The following FREM1 variants were observed in gnomAD, a reference collection of about 807,000 sequenced individuals.
The protein encoded by FREM1 is FRAS1 related extracellular matrix 1.
Under a neutral mutation model 210.1 loss-of-function variants are expected in FREM1, and 220 were observed. The ratio of observed to expected loss-of-function variants is 1.05; its 90% CI spans 0.94 to 1.17. The LOEUF is 1.17. FREM1 is among the 50% of genes most tolerant of loss of function. The pLI is 0.00. For synonymous variants in FREM1, 1,189 were observed against 980.2 expected (o/e 1.21, Z -3.98); for missense variants, 3,454 against 2,675.5 (o/e 1.29, Z -6.42).
At chr9:14,784,131 A>C (rs1419369501) in intron 24 of FREM1, 3 of 415,172 alleles carry the variant, frequency 7.2e-6, no homozygotes, top group African/African-American at 2.0e-5. Context: ...CTTACATACA[A>C]CAAGACAGTA....
At chr9:14,880,553 G>A (rs146664005) in intron 1 of FREM1, among the ~76,000 whole-genome samples, 6,047 of 147,976 alleles carry the variant, frequency 0.041, 380 homozygotes, top group African/African-American at 0.13. Flanking sequence ...GCAGTGGGCC[G>A]AGATCGTGCC....
rs1276399690 is a variant in FREM1 at position 14,807,497 on chromosome 9, A to T, written c.3088+443T>A. Among the ~76,000 whole-genome samples the T allele has an allele frequency of 7.2e-5, 11 of 152,154 alleles. No homozygotes were observed. The South Asian group carries it at 2.3e-3, about 32-fold the overall frequency. ...TGAAAAGATGACTTTCTAAAAAGCA[A>T]ATAAGGTTAAATGTATATAAATGGT... On this transcript the variant is annotated intron_variant, in intron 17 of 36. Coordinates refer to ENST00000380880, the MANE Select transcript of FREM1 (RefSeq NM_001379081.2).
chr9:14,757,208 G>A (rs979133631), intron 28 of FREM1, among the ~76,000 whole-genome samples: 89 of 152,332 alleles, frequency 5.8e-4, no homozygotes, highest in African/African-American at 2.0e-3. Context: ...CGATTTTAGC[G>A]CTCTGAAGTC....
At chr9:14,802,896 G>T (rs72711373) in intron 19 of FREM1, among the ~76,000 whole-genome samples, 27,826 of 152,112 alleles carry the variant, frequency 0.18, 2,721 homozygotes, top group Middle Eastern at 0.28. Flanking sequence ...AAAGGGCAGA[G>T]ATCAGGATGT....
chr9:14,815,399 T>C (rs1375215160), intron 15 of FREM1, among the ~76,000 whole-genome samples: 1 of 152,156 alleles, frequency 6.6e-6, no homozygotes, highest in Non-Finnish European at 1.5e-5. Flanking sequence ...TAAAATATCT[T>C]ACAAAGACAT....
intron 29 of FREM1, among the ~76,000 whole-genome samples, chr9:14,754,080 G>C (rs1396357174): frequency 2.0e-5 from 3 of 152,154 alleles, no homozygotes; most frequent in Non-Finnish European, 4.4e-5. Context: ...GTTCCTATCA[G>C]TCCAAACAGA....
At position 14,824,865 on chromosome 9, in the gene FREM1, T is replaced by C. The variant is rs1205220626; in HGVS notation, c.2009A>G (p.Asp670Gly). The change falls in exon 11 of 37, where the codon GAT (aspartate) becomes GGT (glycine). Residue 670 changes from aspartate to glycine, a missense_variant. Transcript: ENST00000380880. ...YITKKQLHFI[D>G]SESYDRELVY... Reference sequence around the variant, plus strand: ...CAGCTCCCTGTCATATGATTCTGAATCTATAAAATGTAGCTGTTTCTTAGT... The same window carrying C: ...CAGCTCCCTGTCATATGATTCTGAACCTATAAAATGTAGCTGTTTCTTAGT... 7 of 1,613,500 alleles carry C rather than the reference T, an allele frequency of 4.3e-6. No individual in the cohort carries two copies. Among genetic ancestry groups the C allele is most frequent in the African/African-American group, 2.7e-5 (2 of 74,900 alleles).
At chr9:14,803,945 C>T (rs532075347) in intron 19 of FREM1, among the ~76,000 whole-genome samples, 4 of 152,190 alleles carry the variant, frequency 2.6e-5, no homozygotes, top group African/African-American at 7.2e-5. Flanking sequence ...TTATAATATC[C>T]TTCTTCATAG....
chr9:14,815,203 G>A (rs1472156201), intron 15 of FREM1, among the ~76,000 whole-genome samples: 1 of 152,188 alleles, frequency 6.6e-6, no homozygotes, highest in African/African-American at 2.4e-5. Flanking sequence ...GTGGCAGGGT[G>A]AGGAGGAAAG....
At chr9:14,895,690 T>C (rs1277484149) in intron 1 of FREM1, among the ~76,000 whole-genome samples, 3 of 152,000 alleles carry the variant, frequency 2.0e-5, no homozygotes, top group Non-Finnish European at 2.9e-5. Flanking sequence ...CTAGATGTTT[T>C]CTTAAACATT....
chr9:14,899,745 T>G (rs576398853), intron 1 of FREM1, among the ~76,000 whole-genome samples: 4 of 152,326 alleles, frequency 2.6e-5, no homozygotes, highest in African/African-American at 9.6e-5. Flanking sequence ...GGTAGAAACG[T>G]ATTTACTGTA....
At chr9:14,874,467 T>A (rs551133233) in intron 1 of FREM1, among the ~76,000 whole-genome samples, 2,562 of 150,336 alleles carry the variant, frequency 0.017, 76 homozygotes, top group African/African-American at 0.06. Context: ...AAAGTCTGTT[T>A]TATCAGAGAC....
intron 27 of FREM1, among the ~76,000 whole-genome samples, chr9:14,761,974 T>G (rs1170863081): frequency 1.3e-5 from 2 of 152,196 alleles, no homozygotes; most frequent in Non-Finnish European, 2.9e-5. Context: ...AACTTTATCC[T>G]AGCAACGTAT....
chr9:14,875,902 C>T (rs1833622094), intron 1 of FREM1, among the ~76,000 whole-genome samples: 1 of 152,184 alleles, frequency 6.6e-6, no homozygotes, highest in Admixed American at 6.5e-5. Context: ...CAGACAGGAC[C>T]CTCAGCTGCA....
At chr9:14,821,348 G>C (rs1353529401) in intron 13 of FREM1, among the ~76,000 whole-genome samples, 1 of 74,050 alleles carries the variant, frequency 1.4e-5, no homozygotes, top group African/African-American at 4.7e-5. Flanking sequence ...AAACTATTCA[G>C]TGAAATTAAC....
At chr9:14,764,190 G>T (rs899686732) in intron 27 of FREM1, among the ~76,000 whole-genome samples, 4 of 152,182 alleles carry the variant, frequency 2.6e-5, no homozygotes, top group Non-Finnish European at 5.9e-5. Context: ...CTGCCACCAT[G>T]TAAGACTTGC....
intron 15 of FREM1, among the ~76,000 whole-genome samples, chr9:14,815,642 G>A (rs538820279): frequency 6.6e-6 from 1 of 152,170 alleles, no homozygotes; most frequent in African/African-American, 2.4e-5. Context: ...AGTCCCTTGG[G>A]CATGCATTCA....
intron 27 of FREM1, among the ~76,000 whole-genome samples, chr9:14,761,451 C>T (rs1032732118): frequency 6.6e-6 from 1 of 151,988 alleles, no homozygotes; most frequent in African/African-American, 2.4e-5. Flanking sequence ...AAAGAGGATC[C>T]TTGTATTAAA....
At chr9:14,749,269 C>G (rs561218416) in intron 30 of FREM1, among the ~76,000 whole-genome samples, 1 of 151,952 alleles carries the variant, frequency 6.6e-6, no homozygotes, top group Non-Finnish European at 1.5e-5. Flanking sequence ...TTCATGTGAC[C>G]AGAAAATTCT....
Sources: allele counts gnomAD v4.1 joint callset (sites outside exome capture counted in the v4.1 genomes callset), GRCh38; gene constraint gnomAD v4.1.1; transcripts MANE v1.5; gene names NCBI Gene and HGNC (gene_info 2026-07-23, HGNC 2026-07-21).